The following SGF29 variants were observed in gnomAD, a reference collection of about 807,000 sequenced individuals.
SGF29 encodes SAGA complex associated factor 29.
SGF29 carries 15 observed loss-of-function variants against 38.1 expected under a neutral mutation model. The ratio of observed to expected loss-of-function variants is 0.39; its 90% CI spans 0.26 to 0.61. The LOEUF (loss-of-function observed/expected upper bound fraction) is 0.61, where lower values mean the gene tolerates loss of function less well. Among genes scored for constraint, SGF29 ranks in the 20% least tolerant of loss-of-function variants. SGF29 has a pLI of 0.49. For missense variants in SGF29, 184 were observed against 394.6 expected, an observed-to-expected ratio of 0.47 and a Z score of 4.52; for synonymous variants, 151 against 160.8, an observed-to-expected ratio of 0.94 and a Z score of 0.46.
intron 4 of SGF29, chr16:28,588,535 A>G (rs1246585705): frequency 5.0e-6 from 2 of 400,676 alleles, no homozygotes; most frequent in Non-Finnish European, 9.6e-6. Context: ...TATGTTCTTA[A>G]GACTAAAAGA....
At chr16:28,576,024 G>A (rs1483244561) in intron 1 of SGF29, among the ~76,000 whole-genome samples, 4 of 152,144 alleles carry the variant, frequency 2.6e-5, no homozygotes, top group African/African-American at 7.2e-5. Context: ...ATGTGTTGGC[G>A]CAAATGCAGA....
intron 2 of SGF29, among the ~76,000 whole-genome samples, chr16:28,583,578 ATTTC>A (rs1383057110): frequency 2.0e-5 from 3 of 152,144 alleles, no homozygotes; most frequent in Non-Finnish European, 2.9e-5. Flanking sequence ...CATAGTCATA[ATTTC>A]TTTCTTAGGA....
chr16:28,589,242 G>A, intron 5 of SGF29, 78 bp downstream of exon 5: 21 of 1,459,492 alleles, frequency 1.4e-5, no homozygotes, highest in East Asian at 2.3e-5. Flanking sequence ...TCACCCTCCT[G>A]TGGGGGCCTG....
chr16:28,590,228 G>A lies in SGF29; in HGVS notation c.419+3G>A. The A allele has an allele frequency of 6.2e-7, 1 of 1,610,522 alleles. No individual in the cohort carries two copies. The highest frequency in any genetic ancestry group is 1.1e-5 in the South Asian group (1 of 90,230). On this transcript the variant is annotated splice_donor_region_variant and intron_variant, in intron 6 of 9. Coordinates refer to ENST00000317058, the MANE Select transcript of SGF29 (RefSeq NM_138414.3). This position sits in a 1 kb window ranked among gnomAD's most constrained non-coding sequence, Gnocchi z 8.2. ...TGGATCGGGAAGCCTGGTGACAAGT[G>A]AGGGCAGCAGCTGCGAGGGAGGGGC...
At chr16:28,577,034 C>T (rs886260511) in intron 1 of SGF29, among the ~76,000 whole-genome samples, 4 of 151,976 alleles carry the variant, frequency 2.6e-5, no homozygotes, top group South Asian at 2.1e-4. Flanking sequence ...ATTAGCCGGG[C>T]GTGGTGGTGG....
chr16:28,585,620 C>T (rs1481132852), intron 3 of SGF29, 28 bp from the exon 4 acceptor site: 1 of 1,605,456 alleles, frequency 6.2e-7, no homozygotes, highest in East Asian at 2.2e-5. Flanking sequence ...CCTGGCCCTG[C>T]CTCCTTATCC....
At chr16:28,575,546 T>C (rs115871542) in intron 1 of SGF29, among the ~76,000 whole-genome samples, 58 of 152,188 alleles carry the variant, frequency 3.8e-4, no homozygotes, top group African/African-American at 1.4e-3. Flanking sequence ...TAGCTGGGCT[T>C]TGTGGTGCGT....
intron 1 of SGF29, among the ~76,000 whole-genome samples, chr16:28,572,377 C>T (rs62034356): frequency 0.013 from 1,944 of 151,406 alleles, 13 homozygotes; most frequent in Middle Eastern, 0.035. Context: ...TCAAGCAGCT[C>T]TCCTGCCTCA....
rs543963786 is a variant in SGF29 at position 28,568,979 on chromosome 16, T to C, written c.-15-12076T>C. 2.0e-5 allele frequency among the ~76,000 whole-genome samples: 3 copies of C among 151,582 alleles called. No homozygotes were observed. In the South Asian group the frequency reaches 6.3e-4, roughly 32 times the overall value. On this transcript the variant is annotated intron_variant, in intron 1 of 9. Transcript: ENST00000317058. ...GGCGTGTGCCTGTAATCCCAGCTAC[T>C]TGGGAGGCTGAGGCAGGAGAATCGC... is the stretch of plus-strand genomic sequence containing the variant.
chr16:28,560,168 T>C (rs1231748691), intron 1 of SGF29, among the ~76,000 whole-genome samples: 2 of 151,456 alleles, frequency 1.3e-5, no homozygotes, highest in Non-Finnish European at 2.9e-5. Context: ...GAAGTGGAGG[T>C]TGAGCTGAGA....
Position 28,588,759 on chromosome 16 carries a change from C to A in SGF29, c.225-341C>A, listed in dbSNP as rs1218189824. The A allele has an allele frequency of 2.8e-5, 10 of 351,188 alleles. No individual in the cohort carries two copies. The East Asian group carries it at 5.6e-4, about 20-fold the overall frequency. The allele number at this position is 351,188 out of a possible 1,614,324, so 21.8% of individuals were successfully genotyped here. ...CTAAGTTTTGTATTTTTAATACAGA[C>A]GGGGTTTCACCATATTGGTCAGGCT... On this transcript the variant is annotated intron_variant, in intron 4 of 9. Coordinates refer to ENST00000317058, the MANE Select transcript of SGF29 (RefSeq NM_138414.3).
chr16:28,584,690 G>A (rs1306408056), intron 2 of SGF29, among the ~76,000 whole-genome samples: 1 of 151,738 alleles, frequency 6.6e-6, no homozygotes, highest in Admixed American at 6.6e-5. Flanking sequence ...TCGGGAGGCT[G>A]AGGCAGGAGA....
chr16:28,572,297 G>A (rs560119044), intron 1 of SGF29, among the ~76,000 whole-genome samples: 1 of 135,284 alleles, frequency 7.4e-6, no homozygotes, highest in African/African-American at 2.8e-5. Flanking sequence ...TTCTTGAGAC[G>A]GAGCTCTTGT....
At chr16:28,564,566 C>CGTATATATATACACGTATATATAT (rs2046813103) in intron 1 of SGF29, among the ~76,000 whole-genome samples, 2 of 106,642 alleles carry the variant, frequency 1.9e-5, no homozygotes, top group African/African-American at 6.8e-5. Context: ...TATATATATA[C>CGTATATATATACACGTATATATAT]GTATATATAT....
At chr16:28,582,027 G>A (rs114049863) in intron 2 of SGF29, among the ~76,000 whole-genome samples, 4,799 of 152,134 alleles carry the variant, frequency 0.032, 275 homozygotes, top group African/African-American at 0.11. Context: ...GGCATGCTCT[G>A]CCACATTTTG....
intron 1 of SGF29, among the ~76,000 whole-genome samples, chr16:28,576,831 T>C (rs1440842602): frequency 6.6e-6 from 1 of 151,800 alleles, no homozygotes; most frequent in Non-Finnish European, 1.5e-5. Context: ...ATGTAAAATA[T>C]GATATAGCAA....
intron 1 of SGF29, among the ~76,000 whole-genome samples, chr16:28,562,494 G>T (rs901761020): frequency 1.3e-5 from 2 of 152,016 alleles, no homozygotes; most frequent in Admixed American, 1.3e-4. Context: ...ATTGATGCTG[G>T]GCATGCTGCT....
intron 1 of SGF29, among the ~76,000 whole-genome samples, chr16:28,564,694 T>C (rs1394014252): frequency 3.3e-5 from 3 of 91,026 alleles, no homozygotes; most frequent in African/African-American, 1.4e-4. Flanking sequence ...TGTGTATATA[T>C]ATGTATATAT....
At chr16:28,589,602 A>G (rs1323721889) in intron 5 of SGF29, among the ~76,000 whole-genome samples, 1 of 152,212 alleles carries the variant, frequency 6.6e-6, no homozygotes, top group Admixed American at 6.5e-5. Context: ...TTGGCATGTC[A>G]GTGTCCCCAC....
Sources: gnomAD v4.1 joint callset for allele counts (sites outside exome capture counted in the v4.1 genomes callset) on GRCh38, gnomAD v4.1.1 for gene constraint, Gnocchi (gnomAD v3.1) non-coding constraint, MANE v1.5 for transcripts, NCBI Gene and HGNC (gene_info 2026-07-23, HGNC 2026-07-21) for gene names.